Variants in MIER2 observed in about 807,000 individuals in gnomAD.
MIER2 encodes mesoderm induction early response protein 2.
A neutral mutation model predicts 67.6 loss-of-function variants in MIER2; 30 were observed. That is an observed-to-expected ratio of 0.44 (90% CI 0.33 to 0.60). The LOEUF (loss-of-function observed/expected upper bound fraction) is 0.60. Ranked by LOEUF, MIER2 falls within the 20% of genes least tolerant of loss-of-function variation. The pLI is 0.02. For missense variants in MIER2, 702 were observed against 745.1 expected (o/e 0.94, Z 0.67); for synonymous variants, 372 against 312.6 (o/e 1.19, Z -2.00).
In MIER2 at chr19:308,821, C is replaced by T; in HGVS notation, c.1089G>A (p.Lys363=). ...FAQQTRLGRR[K]YVPSGTTDAD... ...CGCACGTGGTTCCGGACGGGACGTA[C>T]TTCCTCCGGCCCAGCCGCGTCTGCT... Residue 363 remains lysine (K), a synonymous_variant, in exon 11 of 14, where the codon AAG becomes AAA. Transcript: ENST00000264819. The surrounding 1 kb of genome is among the most constrained non-coding windows in gnomAD (Gnocchi z 9.1). The T allele has an allele frequency of 4.4e-6, 7 of 1,607,608 alleles. No homozygotes were observed. The highest frequency in any genetic ancestry group is 6.0e-6 in the Non-Finnish European group (7 of 1,175,312).
chr19:314,852 G>C (rs1404085787), intron 7 of MIER2, among the ~76,000 whole-genome samples: 1 of 152,148 alleles, frequency 6.6e-6, no homozygotes, highest in Non-Finnish European at 1.5e-5. Context: ...CACTCTGGGA[G>C]GCTGAGGTGG....
chr19:318,369 A>G (rs1011163378), intron 7 of MIER2, among the ~76,000 whole-genome samples: 1 of 152,226 alleles, frequency 6.6e-6, no homozygotes, highest in African/African-American at 2.4e-5. Context: ...CTACAGAGAG[A>G]CACGTCACAA....
intron 1 of MIER2, among the ~76,000 whole-genome samples, chr19:337,214 G>A (rs1188204043): frequency 1.3e-5 from 2 of 152,086 alleles, no homozygotes; most frequent in South Asian, 2.1e-4. Context: ...AACACATAAA[G>A]ATGATTATAA....
At chr19:334,627 C>A (rs1794619799) in intron 2 of MIER2, 85 bp from the exon 3 acceptor site, 1 of 1,536,328 alleles carries the variant, frequency 6.5e-7, no homozygotes, top group Admixed American at 1.9e-5. Context: ...CTGGTGAAGC[C>A]CTAAGGATGA....
chr19:323,269 C>A (rs997593807), intron 7 of MIER2, among the ~76,000 whole-genome samples: 2 of 133,436 alleles, frequency 1.5e-5, no homozygotes, highest in African/African-American at 5.6e-5. Flanking sequence ...ACAAGACACA[C>A]ACAACCACGG....
At chr19:333,209 C>G (rs71335233) in intron 3 of MIER2, among the ~76,000 whole-genome samples, 1 of 99,128 alleles carries the variant, frequency 1.0e-5, no homozygotes, top group Admixed American at 1.1e-4. Flanking sequence ...TGTTGGCCAG[C>G]CTGATCTAGA....
intron 2 of MIER2, among the ~76,000 whole-genome samples, chr19:334,999 T>C (rs1972174921): frequency 6.6e-6 from 1 of 152,008 alleles, no homozygotes; most frequent in African/African-American, 2.4e-5. Flanking sequence ...GACAAACCAA[T>C]GGGGGCTCGA....
At chr19:317,830 T>C (rs996685901) in intron 7 of MIER2, among the ~76,000 whole-genome samples, 1 of 151,914 alleles carries the variant, frequency 6.6e-6, no homozygotes, top group Admixed American at 6.6e-5. Flanking sequence ...GTTTTATAAT[T>C]ACATGACATA....
Position 334,535 on chromosome 19 carries a change from G to T in MIER2, c.108C>A (p.Ser36=), listed in dbSNP as rs1194770606. The stretch of plus-strand genomic sequence containing the variant: ...TGAACTGATGGTCTCCAGAGCCCAT[G>T]GACACCACTGGGGAGAAGAGAGCAG... ...EPGLQTTAVV[S]MGSGDHQFNL... Residue 36 remains serine, a synonymous_variant, in exon 3 of 14, where the codon TCC becomes TCA. Coordinates refer to ENST00000264819, the MANE Select transcript of MIER2 (RefSeq NM_017550.3). 6.2e-7 allele frequency: 1 copy of T among 1,613,830 alleles called. No homozygotes were observed. The highest frequency in any genetic ancestry group is 2.2e-5 in the East Asian group (1 of 44,878).
chr19:318,457 G>A (rs1971354897), intron 7 of MIER2, among the ~76,000 whole-genome samples: 1 of 152,120 alleles, frequency 6.6e-6, no homozygotes, highest in African/African-American at 2.4e-5. Context: ...AGTAAAAATG[G>A]ACAGCATTAA....
At chr19:330,725 A>G (rs1012883732) in intron 3 of MIER2, among the ~76,000 whole-genome samples, 2 of 152,062 alleles carry the variant, frequency 1.3e-5, no homozygotes, top group Non-Finnish European at 2.9e-5. Flanking sequence ...GTGTCCTTTC[A>G]AGAAAAACAC....
intron 1 of MIER2, among the ~76,000 whole-genome samples, chr19:340,938 G>C (rs946916147): frequency 5.9e-5 from 9 of 152,222 alleles, no homozygotes; most frequent in African/African-American, 1.2e-4. Flanking sequence ...GCAGCACAGA[G>C]TGCATGGCAG....
chr19:343,720 G>C (rs559466044), intron 1 of MIER2: 23 of 542,456 alleles, frequency 4.2e-5, no homozygotes, highest in Admixed American at 1.9e-4. Context: ...CAGCTCTTGA[G>C]TCTGCCCGCC....
chr19:315,222 G>A (rs1272902199), intron 7 of MIER2, among the ~76,000 whole-genome samples: 6 of 152,058 alleles, frequency 3.9e-5, no homozygotes, highest in South Asian at 2.1e-4. Context: ...AAAATTAGCC[G>A]GGCGTGGTCA....
chr19:307,473 A>G lies in MIER2; in HGVS notation c.1262T>C (p.Leu421Pro). Reference sequence around the variant, plus strand: ...ACACGGCCCTGGCTCCGAGGACGGGAGTCCATCAGAGGCCACTCCGGGCTC... The same window carrying G: ...ACACGGCCCTGGCTCCGAGGACGGGGGTCCATCAGAGGCCACTCCGGGCTC... Reference protein sequence around the residue: ...LDEPGVASDGLPSSEPGPCSF... With the variant: ...LDEPGVASDGPPSSEPGPCSF... Residue 421 changes from leucine (L) to proline (P), a missense_variant, in exon 13 of 14, where the codon CTC becomes CCC. By Grantham distance (98) the Leu-to-Pro change is moderately conservative. Coordinates refer to ENST00000264819, the MANE Select transcript of MIER2 (RefSeq NM_017550.3). The G allele has an allele frequency of 6.4e-7, 1 of 1,552,852 alleles. No homozygotes were observed. Among genetic ancestry groups the G allele is most frequent in the Non-Finnish European group, 8.7e-7 (1 of 1,152,398 alleles).
chr19:308,736 C>A lies in MIER2; in HGVS notation c.1109+65G>T, dbSNP rs1293240854. ...CCCCACCCAAGAGGTGCCGCCCAGGCGCCCACGTGCCCACCCCCGGCGGGG... is the reference window on the plus strand; with the variant it reads ...CCCCACCCAAGAGGTGCCGCCCAGGAGCCCACGTGCCCACCCCCGGCGGGG... On this transcript the variant is annotated intron_variant, in intron 11 of 13. Transcript: ENST00000264819. The surrounding 1 kb of genome is among the most constrained non-coding windows in gnomAD (Gnocchi z 9.1). 6 of 1,592,218 alleles carry A rather than the reference C, an allele frequency of 3.8e-6. No individual in the cohort carries two copies. The highest frequency in any genetic ancestry group is 2.2e-5 in the South Asian group (2 of 90,086).
At position 325,885 on chromosome 19, in the gene MIER2, GGT is replaced by G. The variant is rs1971717425; in HGVS notation, c.586-183_586-182del. Among the ~76,000 whole-genome samples, 3 of 152,342 alleles carry G rather than the reference GGT, an allele frequency of 2.0e-5. No individual in the cohort carries two copies. In the South Asian group the frequency reaches 6.2e-4, roughly 32 times the overall value. ...TCTGAAGGTGGGAGGCAGAGGCCTGGGTGTGTGAGGGGTGAGGCTGTGTCCTG... is the reference window on the plus strand; with the variant it reads ...TCTGAAGGTGGGAGGCAGAGGCCTGGGTGTGAGGGGTGAGGCTGTGTCCTG... On this transcript the variant is annotated intron_variant, in intron 6 of 13. Transcript: ENST00000264819.
rs370996130 is a variant in MIER2 at position 305,878 on chromosome 19, G to A, written c.*812C>T. ...ACCTGCAGGGCTGGGGAAACAGGCT[G>A]GAGTCTGGCCCCTGCGTGGCCAGCA... is the stretch of plus-strand genomic sequence containing the variant. On this transcript the variant is annotated 3_prime_UTR_variant, in exon 14 of 14. Transcript: ENST00000264819. 1 of 152,408 alleles carries A rather than the reference G, an allele frequency of 6.6e-6. No homozygotes were observed. The highest frequency in any genetic ancestry group is 2.1e-4 in the South Asian group (1 of 4,838). 9.4% of individuals were successfully genotyped at this position (152,408 alleles called of 1,614,324 possible).
chr19:320,619 G>A (rs1255230735), intron 7 of MIER2, among the ~76,000 whole-genome samples: 1 of 152,180 alleles, frequency 6.6e-6, no homozygotes, highest in Admixed American at 6.5e-5. Flanking sequence ...GATTCTCATA[G>A]GAGCGCAAAT....
Sources: allele counts gnomAD v4.1 joint callset (sites outside exome capture counted in the v4.1 genomes callset), GRCh38; gene constraint gnomAD v4.1.1; non-coding constraint Gnocchi (gnomAD v3.1); transcripts MANE v1.5; gene names NCBI Gene and HGNC (gene_info 2026-07-23, HGNC 2026-07-21).